The following AIFM2 variants were observed in gnomAD, a reference collection of about 807,000 sequenced individuals.
AIFM2 encodes AIF family member 2, ferroptosis suppressor, also known as ferroptosis suppressor protein 1.
Under a neutral mutation model 35.7 loss-of-function variants are expected in AIFM2, and 38 were observed. That is an observed-to-expected ratio of 1.06 (90% CI 0.82 to 1.39). AIFM2 has a LOEUF of 1.39. Among genes scored for constraint, AIFM2 ranks in the 40% most tolerant of loss-of-function variants. The pLI is 0.00. For synonymous variants in AIFM2, 185 were observed against 203.5 expected (o/e 0.91, Z 0.77); for missense variants, 476 against 491.2 (o/e 0.97, Z 0.29).
In AIFM2 at chr10:70,116,611, C is replaced by T. The variant is rs1331271063; in HGVS notation, c.769+11G>A. On this transcript the variant is annotated intron_variant, in intron 7 of 8. Transcript: ENST00000307864. Reference sequence around the variant, plus strand: ...GAGGCACAGGGGAAGCCCGGCTGGGCACCTGCTCACCAAACGCTTTGCGGT... The same window carrying T: ...GAGGCACAGGGGAAGCCCGGCTGGGTACCTGCTCACCAAACGCTTTGCGGT... 3 of 1,612,906 alleles carry T rather than the reference C, an allele frequency of 1.9e-6. No individual in the cohort carries two copies. The South Asian group carries it at 3.3e-5, about 18-fold the overall frequency.
chr10:70,122,275 T>C (rs1405598554), intron 3 of AIFM2, among the ~76,000 whole-genome samples: 1 of 152,088 alleles, frequency 6.6e-6, no homozygotes, highest in African/African-American at 2.4e-5. Context: ...CCTCATGGAA[T>C]CTTCCAGGGC....
Position 70,131,565 on chromosome 10 carries a change from C to A in AIFM2, c.-14+1169G>T, listed in dbSNP as rs564929009. Among the ~76,000 whole-genome samples the A allele has an allele frequency of 1.3e-5, 2 of 152,324 alleles. No individual in the cohort carries two copies. The highest frequency in any genetic ancestry group is 4.1e-4 in the South Asian group (2 of 4,828). ...TCATATTCACTCCCGCACAGAAAAC[C>A]TAGGCCAAGCAATTTGTCCATCCTC... On this transcript the variant is annotated intron_variant, in intron 1 of 8. Transcript: ENST00000307864. This position sits in a 1 kb window ranked among gnomAD's most constrained non-coding sequence, Gnocchi z 4.1.
At chr10:70,120,967 C>G (rs556083250) in intron 4 of AIFM2, 125 bp downstream of exon 4, 803 of 1,474,970 alleles carry the variant, frequency 5.4e-4, no homozygotes, top group Non-Finnish European at 7.0e-4. Flanking sequence ...TAGTGACTCT[C>G]CAACTCTATG....
Position 70,115,266 on chromosome 10 carries a change from C to G in AIFM2, c.770-146G>C, listed in dbSNP as rs543236232. On this transcript the variant is annotated intron_variant, in intron 7 of 8. Transcript: ENST00000307864. ...AGGCATGACCACCCCCTGGAGGTGC[C>G]TGCTCTAGAGGCCACCCTCCCACCT... 3 of 794,946 alleles carry G rather than the reference C, an allele frequency of 3.8e-6. 1 individual carries two copies. Among genetic ancestry groups the G allele is most frequent in the Admixed American group, 4.3e-5 (2 of 46,434 alleles). 49.2% of individuals were successfully genotyped at this position (794,946 alleles called of 1,614,324 possible). A position where few individuals can be genotyped will look rare whatever the true frequency, so the allele number is the denominator to read the frequency against.
Position 70,116,615 on chromosome 10 carries a change from T to C in AIFM2, c.769+7A>G. The C allele has an allele frequency of 6.2e-7, 1 of 1,613,112 alleles. No homozygotes were observed. The highest frequency in any genetic ancestry group is 8.5e-7 in the Non-Finnish European group (1 of 1,179,832). On this transcript the variant is annotated splice_region_variant and intron_variant, in intron 7 of 8. Transcript: ENST00000307864. ...CACAGGGGAAGCCCGGCTGGGCACCTGCTCACCAAACGCTTTGCGGTAGGC... is the reference window on the plus strand; with the variant it reads ...CACAGGGGAAGCCCGGCTGGGCACCCGCTCACCAAACGCTTTGCGGTAGGC...
At chr10:70,120,405 G>C in intron 5 of AIFM2, 102 bp downstream of exon 5, 1 of 1,166,870 alleles carries the variant, frequency 8.6e-7, no homozygotes, top group Non-Finnish European at 1.3e-6. Context: ...TATGTGAATA[G>C]AGCTCCAGAC....
intron 7 of AIFM2, among the ~76,000 whole-genome samples, chr10:70,115,635 A>T (rs1024122691): frequency 2.0e-5 from 3 of 152,140 alleles, no homozygotes; most frequent in African/African-American, 7.2e-5. Flanking sequence ...GCTTAGTGGC[A>T]TACAGCCGTA....
Position 70,115,137 on chromosome 10 carries a change from C to T in AIFM2, c.770-17G>A. 2 of 1,612,378 alleles carry T rather than the reference C, an allele frequency of 1.2e-6. No homozygotes were observed. The highest frequency in any genetic ancestry group is 1.7e-6 in the Non-Finnish European group (2 of 1,179,396). On this transcript the variant is annotated splice_polypyrimidine_tract_variant and intron_variant, in intron 7 of 8. Transcript: ENST00000307864. The stretch of plus-strand genomic sequence containing the variant: ...GTCTGCTCTCTGCCAGAAGAAATGA[C>T]ACCGAAACCAAGACACTGAGCTGCT...
At chr10:70,125,987 G>A (rs992067685) in intron 1 of AIFM2, among the ~76,000 whole-genome samples, 1 of 152,264 alleles carries the variant, frequency 6.6e-6, no homozygotes, top group Non-Finnish European at 1.5e-5. Context: ...CTGGTAAACA[G>A]GGTTACCTGT....
chr10:70,124,196 T>C, intron 1 of AIFM2, 99 bp from the exon 2 acceptor site: 1 of 878,612 alleles, frequency 1.1e-6, no homozygotes, highest in Non-Finnish European at 1.5e-6. Flanking sequence ...TTGACCTTTT[T>C]AGATGAGGTA....
intron 1 of AIFM2, among the ~76,000 whole-genome samples, chr10:70,130,897 A>T (rs937989763): frequency 6.6e-6 from 1 of 152,038 alleles, no homozygotes; most frequent in South Asian, 2.1e-4. Context: ...CAGTAACTTT[A>T]CCTTTGCTCC....
At chr10:70,121,313 GCCGGGACAAAC>G in intron 3 of AIFM2, 102 bp from the exon 4 acceptor site, 21 of 1,403,038 alleles carry the variant, frequency 1.5e-5, no homozygotes, top group Non-Finnish European at 1.9e-5. Flanking sequence ...CGGCCTGCCA[GCCGGGACAAAC>G]CAGGCAAAGA....
chr10:70,113,878 G>T lies in AIFM2; in HGVS notation c.*300C>A. 2.9e-6 allele frequency: 1 copy of T among 341,978 alleles called. No homozygotes were observed. The highest frequency in any genetic ancestry group is 3.5e-5 in the South Asian group (1 of 28,618). The allele number at this position is 341,978 out of a possible 1,614,324, so 21.2% of individuals were successfully genotyped here. On this transcript the variant is annotated 3_prime_UTR_variant, in exon 9 of 9. Coordinates refer to ENST00000307864, the MANE Select transcript of AIFM2 (RefSeq NM_032797.6). ...CATGCACATCCCAGAGGAGGCAGGT[G>T]CAGAGGAAGGGCTGGCTGTGGCCTC...
rs771696445 is a variant in AIFM2 at position 70,123,515 on chromosome 10, C to G, written c.184G>C (p.Ala62Pro). Residue 62 changes from alanine (A) to proline (P), a missense_variant, in exon 3 of 9, where the codon GCC becomes CCC. Transcript: ENST00000307864. Reference protein sequence around the residue: ...ALRASVETGFAKKTFISYSVT... With the variant: ...ALRASVETGFPKKTFISYSVT... The stretch of plus-strand genomic sequence containing the variant: ...GAGTAAGAAATGAATGTCTTTTTGG[C>G]GAACCCTGGGGAAGGGACACAGAAG... The G allele has an allele frequency of 6.2e-7, 1 of 1,613,870 alleles. No individual in the cohort carries two copies. Among genetic ancestry groups the G allele is most frequent in the Non-Finnish European group, 8.5e-7 (1 of 1,179,830 alleles).
At position 70,117,698 on chromosome 10, in the gene AIFM2, G is replaced by C; in HGVS notation, c.616+114C>G. The stretch of plus-strand genomic sequence containing the variant: ...CTCCACCCCAGGACACAGTGGAAAA[G>C]AGAGAGCCTGGGGTGGACCATAGCC... On this transcript the variant is annotated intron_variant, in intron 6 of 8. Coordinates refer to ENST00000307864, the MANE Select transcript of AIFM2 (RefSeq NM_032797.6). This position sits in a 1 kb window ranked among gnomAD's most constrained non-coding sequence, Gnocchi z 4.7. The C allele has an allele frequency of 5.0e-6, 4 of 793,620 alleles. No homozygotes were observed. The highest frequency in any genetic ancestry group is 7.8e-6 in the Non-Finnish European group (4 of 510,360). 49.2% of individuals were successfully genotyped at this position (793,620 alleles called of 1,614,324 possible).
At chr10:70,124,951 G>T (rs1275858537) in intron 1 of AIFM2, among the ~76,000 whole-genome samples, 1 of 152,142 alleles carries the variant, frequency 6.6e-6, no homozygotes, top group Non-Finnish European at 1.5e-5. Flanking sequence ...CTAATCGGAG[G>T]TGTTTGGGTC....
chr10:70,119,509 G>A (rs1445457032), intron 5 of AIFM2, among the ~76,000 whole-genome samples: 1 of 152,126 alleles, frequency 6.6e-6, no homozygotes, highest in Non-Finnish European at 1.5e-5. Flanking sequence ...ATTGGTCAGT[G>A]GGGGAAAAAC....
In AIFM2 at chr10:70,117,335, G is replaced by A. The variant is rs184112888; in HGVS notation, c.616+477C>T. On this transcript the variant is annotated intron_variant, in intron 6 of 8. Transcript: ENST00000307864. This position sits in a 1 kb window ranked among gnomAD's most constrained non-coding sequence, Gnocchi z 4.7. Reference sequence around the variant, plus strand: ...TGCAGTGAAGTGTAGGGGCCACAGCGCTGGAAGAGAACCTCACTTTCCAGC... The same window carrying A: ...TGCAGTGAAGTGTAGGGGCCACAGCACTGGAAGAGAACCTCACTTTCCAGC... Among the ~76,000 whole-genome samples the A allele has an allele frequency of 1.3e-3, 199 of 152,308 alleles. 2 individuals are homozygous for A. Among genetic ancestry groups the A allele is most frequent in the African/African-American group, 4.4e-3 (183 of 41,572 alleles).
chr10:70,120,164 A>G (rs763704985), intron 5 of AIFM2, among the ~76,000 whole-genome samples: 2 of 152,236 alleles, frequency 1.3e-5, no homozygotes, highest in Non-Finnish European at 2.9e-5. Context: ...TCAAATATAC[A>G]TTTGTATCAC....
Sources: gnomAD v4.1 joint callset for allele counts (sites outside exome capture counted in the v4.1 genomes callset) on GRCh38, gnomAD v4.1.1 for gene constraint, Gnocchi (gnomAD v3.1) non-coding constraint, MANE v1.5 for transcripts, NCBI Gene and HGNC (gene_info 2026-07-23, HGNC 2026-07-21) for gene names.